Variants in HEXIM2 observed in about 807,000 individuals in gnomAD.
HEXIM2 encodes protein HEXIM2.
For missense variants in HEXIM2, 413 were observed against 390.8 expected (o/e 1.06, Z -0.48); for synonymous variants, 159 against 162.7 (o/e 0.98, Z 0.17).
intron 3 of HEXIM2, among the ~76,000 whole-genome samples, chr17:45,167,694 T>G (rs964837411): frequency 2.0e-5 from 3 of 152,074 alleles, no homozygotes; most frequent in Non-Finnish European, 4.4e-5. Context: ...TGGCGCGATC[T>G]CAGCTCACTG....
At chr17:45,161,224 C>G (rs900403851), upstream of HEXIM2, 1 of 353,190 alleles carries the variant, frequency 2.8e-6, no homozygotes, top group African/African-American at 2.1e-5. Flanking sequence ...AGCCTCTCCC[C>G]TTCTGGGGTC....
upstream of HEXIM2, chr17:45,161,711 A>C (rs1444328755): frequency 4.7e-6 from 2 of 424,928 alleles, no homozygotes; most frequent in Non-Finnish European, 6.3e-6. Context: ...TATTGGCAGA[A>C]GGCTTGACCA....
In HEXIM2 at chr17:45,169,930, A is replaced by T; in HGVS notation, c.*121A>T. On this transcript the variant is annotated 3_prime_UTR_variant, in exon 4 of 4. Transcript: ENST00000589230. The stretch of plus-strand genomic sequence containing the variant: ...CACCGTCAACACCCTGTGCGCCCTG[A>T]GAACAGCTAAATCGGTTCAGACTCC... 1 of 775,046 alleles carries T rather than the reference A, an allele frequency of 1.3e-6. No homozygotes were observed. 48.0% of individuals were successfully genotyped at this position (775,046 alleles called of 1,614,324 possible). A position where few individuals can be genotyped will look rare whatever the true frequency, so the allele number is the denominator to read the frequency against.
At chr17:45,161,546 A>C (rs920630818), upstream of HEXIM2, 1 of 162,812 alleles carries the variant, frequency 6.1e-6, no homozygotes, top group East Asian at 1.8e-4. Context: ...CTCAAAGGCC[A>C]AGGATCCCTC....
chr17:45,162,908 A>T, intron 3 of HEXIM2, 49 bp downstream of exon 3: 1 of 1,240,226 alleles, frequency 8.1e-7, no homozygotes, highest in Non-Finnish European at 1.2e-6. Context: ...CACGGGTCCC[A>T]CAGCTGAGAT....
chr17:45,162,754 C>A lies in HEXIM2; in HGVS notation c.-40C>A. On this transcript the variant is annotated 5_prime_UTR_variant, in exon 3 of 4. Transcript: ENST00000589230. ...TTCTGTTGTTGTTCAAAGCAGGTGT[C>A]ACTAGTTCCAGGCGTCTGCTGAAAG... 6.2e-7 allele frequency: 1 copy of A among 1,613,540 alleles called. No individual in the cohort carries two copies. The highest frequency in any genetic ancestry group is 8.5e-7 in the Non-Finnish European group (1 of 1,179,788).
chr17:45,165,074 A>C (rs780750879), intron 3 of HEXIM2, among the ~76,000 whole-genome samples: 1 of 152,068 alleles, frequency 6.6e-6, no homozygotes, highest in Non-Finnish European at 1.5e-5. Context: ...GGGCACTTCT[A>C]CTGAGGGCTG....
chr17:45,160,996 C>G (rs2042667689), upstream of HEXIM2: 44 of 1,275,890 alleles, frequency 3.4e-5, no homozygotes, highest in Non-Finnish European at 4.5e-5. Context: ...CTGACTGCCA[C>G]GCCGACTTGT....
Position 45,169,959 on chromosome 17 carries a change from C to G in HEXIM2, c.*150C>G, listed in dbSNP as rs1461829971. On this transcript the variant is annotated 3_prime_UTR_variant, in exon 4 of 4. Transcript: ENST00000589230. ...CAGCTAAATCGGTTCAGACTCCCAC[C>G]TCACCGTTTCCATAGTTGGCTCTTT... is the stretch of plus-strand genomic sequence containing the variant. 20 of 560,048 alleles carry G rather than the reference C, an allele frequency of 3.6e-5. No individual in the cohort carries two copies. The highest frequency in any genetic ancestry group is 5.0e-5 in the Non-Finnish European group (17 of 341,762). 34.7% of individuals were successfully genotyped at this position (560,048 alleles called of 1,614,324 possible).
chr17:45,162,376 C>A, intron 1 of HEXIM2, 112 bp from the exon 2 acceptor site: 1 of 805,496 alleles, frequency 1.2e-6, no homozygotes, highest in Non-Finnish European at 1.6e-6. Context: ...AGCAGCAGCC[C>A]CGCTGCACTC....
chr17:45,168,552 G>C (rs987817056), intron 3 of HEXIM2, among the ~76,000 whole-genome samples: 1 of 151,818 alleles, frequency 6.6e-6, no homozygotes, highest in Non-Finnish European at 1.5e-5. Flanking sequence ...CCAGGTGTGG[G>C]GCCTCTGTGG....
chr17:45,161,889 A>G lies in HEXIM2; in HGVS notation c.-335A>G. ...GCGTCCAGGCTCTCTCTTCCCCCCC[A>G]TCTTAGTGGCCTGAGCGGCTTGACC... On this transcript the variant is annotated 5_prime_UTR_variant, in exon 1 of 4. Coordinates refer to ENST00000589230, the MANE Select transcript of HEXIM2 (RefSeq NM_001303441.2). The G allele has an allele frequency of 1.0e-6, 1 of 985,244 alleles. No individual in the cohort carries two copies. Among genetic ancestry groups the G allele is most frequent in the Non-Finnish European group, 1.2e-6 (1 of 830,060 alleles). 61.0% of individuals were successfully genotyped at this position (985,244 alleles called of 1,614,324 possible).
chr17:45,160,216 G>T (rs1299782802), upstream of HEXIM2, among the ~76,000 whole-genome samples: 1 of 152,132 alleles, frequency 6.6e-6, no homozygotes, highest in Non-Finnish European at 1.5e-5. Context: ...AAGGTTAAGA[G>T]TTTATTCTTT....
Position 45,162,562 on chromosome 17 carries a change from T to C in HEXIM2, c.-118T>C. 1 of 1,381,952 alleles carries C rather than the reference T, an allele frequency of 7.2e-7. No homozygotes were observed. The highest frequency in any genetic ancestry group is 1.5e-5 in the South Asian group (1 of 67,168). The allele number at this position is 1,381,952 out of a possible 1,614,324, so 85.6% of individuals were successfully genotyped here. A position where few individuals can be genotyped will look rare whatever the true frequency, so the allele number is the denominator to read the frequency against. On this transcript the variant is annotated 5_prime_UTR_variant, in exon 2 of 4. Coordinates refer to ENST00000589230, the MANE Select transcript of HEXIM2 (RefSeq NM_001303441.2). ...AGAGAAGACGGCCCCTGAATCCCAT[T>C]TGGCCCCTTGCTGGCTGGAGGTGTG...
upstream of HEXIM2, chr17:45,160,741 T>C: frequency 2.4e-6 from 1 of 417,784 alleles, no homozygotes; most frequent in Non-Finnish European, 4.8e-6. Context: ...ACATGCTAGG[T>C]CAGGTTGTCC....
intron 3 of HEXIM2, among the ~76,000 whole-genome samples, chr17:45,163,437 A>C (rs1352660651): frequency 6.6e-6 from 1 of 151,940 alleles, no homozygotes; most frequent in Non-Finnish European, 1.5e-5. Flanking sequence ...GAATCATGCT[A>C]TCTACAAGCA....
At chr17:45,160,874 C>A, upstream of HEXIM2, 1 of 1,286,446 alleles carries the variant, frequency 7.8e-7, no homozygotes, top group Non-Finnish European at 1.0e-6. Context: ...TTAGTGGTTG[C>A]TACAGTAGTT....
intron 3 of HEXIM2, among the ~76,000 whole-genome samples, chr17:45,168,304 A>G (rs1365161891): frequency 6.7e-6 from 1 of 150,100 alleles, no homozygotes; most frequent in Non-Finnish European, 1.5e-5. Flanking sequence ...CAACATGGTG[A>G]AACCCTGTCT....
chr17:45,161,079 G>A (rs1394954890), upstream of HEXIM2: 4 of 608,290 alleles, frequency 6.6e-6, no homozygotes, highest in Admixed American at 4.7e-5. Context: ...CACCTCTCCA[G>A]TCGAAGTGGG....
Sources: allele counts gnomAD v4.1 joint callset (sites outside exome capture counted in the v4.1 genomes callset), GRCh38; gene constraint gnomAD v4.1.1; transcripts MANE v1.5; gene names NCBI Gene and HGNC (gene_info 2026-07-23, HGNC 2026-07-21).